ZNF521: variants seen among roughly 807,000 people sequenced by gnomAD.
The protein encoded by ZNF521 is LYST-interacting protein 3.
A neutral mutation model predicts 105.5 loss-of-function variants in ZNF521; 14 were observed. The observed-to-expected ratio is 0.13, with a 90% CI of 0.09 to 0.21. ZNF521 has a LOEUF of 0.21. Among genes scored for constraint, ZNF521 ranks in the 10% least tolerant of loss-of-function variants. ZNF521 has a pLI of 1.00. For synonymous variants in ZNF521, 635 were observed against 606.0 expected, an observed-to-expected ratio of 1.05 and a Z score of -0.70; for missense variants, 1,233 against 1,629.7, an observed-to-expected ratio of 0.76 and a Z score of 4.19.
At chr18:25,089,413 C>CT (rs2033697097) in intron 7 of ZNF521, 52 bp downstream of exon 7, 2 of 1,376,112 alleles carry the variant, frequency 1.5e-6, no homozygotes. Context: ...CCCCTGTTTA[C>CT]TATAAGAATA....
chr18:25,272,964 C>T (rs796175356), intron 3 of ZNF521, among the ~76,000 whole-genome samples: 23 of 151,864 alleles, frequency 1.5e-4, no homozygotes, highest in African/African-American at 4.3e-4. Flanking sequence ...TGGTGGCTCA[C>T]GCCTGTAATC....
chr18:25,241,960 A>G (rs1483800335), intron 3 of ZNF521, among the ~76,000 whole-genome samples: 1 of 152,210 alleles, frequency 6.6e-6, no homozygotes, highest in Non-Finnish European at 1.5e-5. Context: ...TTCAGAGAGC[A>G]GTAATTTTGA....
At position 25,126,430 on chromosome 18, in the gene ZNF521, TAAC is replaced by T. The variant is rs2034540389; in HGVS notation, c.3659-34352_3659-34350del. ...TCCACATAAAAAGAGGGATTATTAA[TAAC>T]AACATTCTGTTTTTCTATTCCCTCT... On this transcript the variant is annotated intron_variant, in intron 5 of 7. Transcript: ENST00000361524. 3.9e-5 allele frequency among the ~76,000 whole-genome samples: 6 copies of T among 152,238 alleles called. No homozygotes were observed. The South Asian group carries it at 1.0e-3, about 26-fold the overall frequency.
At chr18:25,307,174 C>T (rs1372092866) in intron 3 of ZNF521, among the ~76,000 whole-genome samples, 2 of 152,180 alleles carry the variant, frequency 1.3e-5, no homozygotes, top group Non-Finnish European at 2.9e-5. Flanking sequence ...CCTGTCTTCT[C>T]TTACTAATAC....
At position 25,195,200 on chromosome 18, in the gene ZNF521, A is replaced by G. The variant is rs753998490; in HGVS notation, c.3618T>C (p.Asn1206=). The change falls in exon 5 of 8, where the codon AAT becomes AAC. Residue 1206 remains asparagine, a synonymous_variant. Transcript: ENST00000361524. Reference sequence around the variant, plus strand: ...CAACATGAACCTGAATATCCCATTCATTGTAGAAAACCATCTGACACTTGA... The same window carrying G: ...CAACATGAACCTGAATATCCCATTCGTTGTAGAAAACCATCTGACACTTGA... ...QCIKCQMVFY[N]EWDIQVHVAN... 25 of 1,599,832 alleles carry G rather than the reference A, an allele frequency of 1.6e-5. No homozygotes were observed. In the East Asian group the frequency reaches 2.5e-4, roughly 16 times the overall value.
intron 3 of ZNF521, among the ~76,000 whole-genome samples, chr18:25,272,207 A>G (rs1300790428): frequency 6.6e-6 from 1 of 152,240 alleles, no homozygotes; most frequent in Non-Finnish European, 1.5e-5. Context: ...CAAAACCCCA[A>G]TGAGATATTA....
intron 7 of ZNF521, among the ~76,000 whole-genome samples, chr18:25,081,244 T>G (rs1245500439): frequency 6.6e-6 from 1 of 152,246 alleles, no homozygotes; most frequent in African/African-American, 2.4e-5. Flanking sequence ...TGTCGTCAAC[T>G]CTGGGCCAGA....
chr18:25,251,817 A>C (rs940607145), intron 3 of ZNF521, among the ~76,000 whole-genome samples: 3 of 152,036 alleles, frequency 2.0e-5, no homozygotes, highest in Non-Finnish European at 4.4e-5. Context: ...AATTCAGGGA[A>C]AATTATCTAC....
Position 25,110,197 on chromosome 18 carries a change from C to A in ZNF521, c.3659-18116G>T, listed in dbSNP as rs183732737. Among the ~76,000 whole-genome samples, 504 of 152,206 alleles carry A rather than the reference C, an allele frequency of 3.3e-3. 3 individuals are homozygous for A. Among genetic ancestry groups the A allele is most frequent in the African/African-American group, 0.012 (482 of 41,544 alleles). The stretch of plus-strand genomic sequence containing the variant: ...TCTACAGTCAGTTCTGTCAGCTGCC[C>A]CAAAGCAGTGGTGGGTCTTGCAGGA... On this transcript the variant is annotated intron_variant, in intron 5 of 7. Coordinates refer to ENST00000361524, the MANE Select transcript of ZNF521 (RefSeq NM_015461.3).
chr18:25,172,097 GCTT>G (rs2035458997), intron 5 of ZNF521, among the ~76,000 whole-genome samples: 1 of 152,122 alleles, frequency 6.6e-6, no homozygotes, highest in Non-Finnish European at 1.5e-5. Flanking sequence ...AGTATTAATT[GCTT>G]CTTCATATTA....
intron 5 of ZNF521, among the ~76,000 whole-genome samples, chr18:25,108,826 T>C (rs2034125940): frequency 6.6e-6 from 1 of 152,120 alleles, no homozygotes; most frequent in Non-Finnish European, 1.5e-5. Flanking sequence ...GGTTTCGCCA[T>C]AGTAGCCAGG....
chr18:25,345,910 C>G (rs1238048746), intron 2 of ZNF521, among the ~76,000 whole-genome samples: 1 of 152,258 alleles, frequency 6.6e-6, no homozygotes, highest in African/African-American at 2.4e-5. Context: ...TTTTAGCATA[C>G]AAGTCCAAAA....
intron 2 of ZNF521, among the ~76,000 whole-genome samples, chr18:25,330,834 AAAAT>A (rs1913525476): frequency 6.6e-6 from 1 of 152,222 alleles, no homozygotes; most frequent in South Asian, 2.1e-4. Context: ...CTCCTAAAAG[AAAAT>A]ATGGTAAGGA....
chr18:25,092,172 A>G, intron 5 of ZNF521, 91 bp from the exon 6 acceptor site: 1 of 1,445,548 alleles, frequency 6.9e-7, no homozygotes. Context: ...ATATTAAACT[A>G]TTTCCATCAC....
At chr18:25,214,913 CAGGAAACATAT>C (rs1356240530) in intron 4 of ZNF521, among the ~76,000 whole-genome samples, 4 of 152,044 alleles carry the variant, frequency 2.6e-5, no homozygotes, top group Admixed American at 2.6e-4. Flanking sequence ...GTTAGGAGAA[CAGGAAACATAT>C]AGGAAACAGA....
chr18:25,074,877 G>A (rs773306633), intron 7 of ZNF521, among the ~76,000 whole-genome samples: 22 of 152,128 alleles, frequency 1.4e-4, no homozygotes, highest in East Asian at 7.7e-4. Flanking sequence ...ATTCCTCCAC[G>A]CAGAGATGTG....
chr18:25,315,441 T>C (rs1912553341), intron 3 of ZNF521: 1 of 152,254 alleles, frequency 6.6e-6, no homozygotes, highest in Non-Finnish European at 1.5e-5. Flanking sequence ...CTTCAGGGAC[T>C]GTTCTGTTCT....
At chr18:25,149,665 G>C (rs2035009140) in intron 5 of ZNF521, among the ~76,000 whole-genome samples, 1 of 152,126 alleles carries the variant, frequency 6.6e-6, no homozygotes, top group African/African-American at 2.4e-5. Flanking sequence ...TATAAATTTT[G>C]TATGACATTT....
At chr18:25,220,914 G>A (rs1044412331) in intron 4 of ZNF521, among the ~76,000 whole-genome samples, 3 of 152,142 alleles carry the variant, frequency 2.0e-5, no homozygotes, top group East Asian at 1.9e-4. Context: ...TTTATTCAAC[G>A]TATAGTAAAT....
Sources: gnomAD v4.1 joint callset for allele counts (sites outside exome capture counted in the v4.1 genomes callset) on GRCh38, gnomAD v4.1.1 for gene constraint, MANE v1.5 for transcripts, NCBI Gene and HGNC (gene_info 2026-07-23, HGNC 2026-07-21) for gene names.